Variants in OPHN1 observed in about 807,000 individuals in gnomAD.
The protein encoded by OPHN1 is oligophrenin 1.
A neutral mutation model predicts 60.7 loss-of-function variants in OPHN1; 11 were observed. That is an observed-to-expected ratio of 0.18 (90% CI 0.11 to 0.30). The LOEUF is 0.30. Among genes scored for constraint, OPHN1 ranks in the 10% least tolerant of loss-of-function variants. OPHN1 has a pLI of 1.00. For missense variants in OPHN1, 449 were observed against 611.0 expected, an observed-to-expected ratio of 0.73 and a Z score of 2.80; for synonymous variants, 226 against 222.6, an observed-to-expected ratio of 1.02 and a Z score of -0.14.
At chrX:68,422,437 C>T (rs1392362199) in intron 2 of OPHN1, among the ~76,000 whole-genome samples, 4 of 105,118 alleles carry the variant, frequency 3.8e-5, no homozygotes, top group Non-Finnish European at 7.8e-5. Context: ...GTGGGAGTAT[C>T]GCTTGGGGTT....
At chrX:68,386,985 T>C (rs2078627533) in intron 2 of OPHN1, among the ~76,000 whole-genome samples, 1 of 111,506 alleles carries the variant, frequency 9.0e-6, no homozygotes, top group African/African-American at 3.3e-5. Context: ...AGGTAAACTG[T>C]AGCGACTTGA....
intron 15 of OPHN1, among the ~76,000 whole-genome samples, chrX:68,169,467 T>C (rs1459571042): frequency 1.4e-4 from 15 of 109,141 alleles, no homozygotes; most frequent in African/African-American, 4.0e-4. Context: ...GAGCCCGCAT[T>C]GCCAAGTCAA....
chrX:68,339,466 T>G lies in OPHN1; in HGVS notation c.155-40370A>C, dbSNP rs999559793. Reference sequence around the variant, plus strand: ...AACATGCAGATTGGAAAGGAAGAAATAAAACTATTTGTATATGCAGATGAC... The same window carrying G: ...AACATGCAGATTGGAAAGGAAGAAAGAAAACTATTTGTATATGCAGATGAC... On this transcript the variant is annotated intron_variant, in intron 2 of 24. Transcript: ENST00000355520. Among the ~76,000 whole-genome samples the G allele has an allele frequency of 3.6e-5, 4 of 111,360 alleles. No individual in the cohort carries two copies. In the Admixed American group the frequency reaches 3.9e-4, roughly 11 times the overall value.
chrX:68,103,299 C>A (rs1314531182), intron 18 of OPHN1, among the ~76,000 whole-genome samples: 2 of 112,105 alleles, frequency 1.8e-5, no homozygotes, highest in African/African-American at 6.5e-5. Flanking sequence ...TCAATAGATG[C>A]AGAAAGGGCC....
intron 5 of OPHN1, among the ~76,000 whole-genome samples, chrX:68,263,947 C>T (rs1313807602): frequency 8.9e-6 from 1 of 111,876 alleles, no homozygotes; most frequent in South Asian, 3.7e-4. Flanking sequence ...TTTCCACTTA[C>T]AGTGCAACGA....
chrX:68,063,378 G>T (rs7877568), intron 21 of OPHN1, among the ~76,000 whole-genome samples: 3 of 109,816 alleles, frequency 2.7e-5, no homozygotes, highest in African/African-American at 9.9e-5. Flanking sequence ...AAAATTAGCC[G>T]GGCATGGTGG....
intron 11 of OPHN1, among the ~76,000 whole-genome samples, chrX:68,198,467 A>G (rs1423316935): frequency 8.9e-6 from 1 of 111,769 alleles, no homozygotes. Context: ...TCATAACATC[A>G]CAAATGGACT....
chrX:68,317,449 G>GAGA (rs1171707658), intron 2 of OPHN1, among the ~76,000 whole-genome samples: 5 of 94,997 alleles, frequency 5.3e-5, no homozygotes, highest in Non-Finnish European at 1.0e-4. Flanking sequence ...AAAAGAAAAA[G>GAGA]AGAAGAAGAA....
At chrX:68,367,710 T>C (rs2078506707) in intron 2 of OPHN1, among the ~76,000 whole-genome samples, 1 of 111,692 alleles carries the variant, frequency 9.0e-6, no homozygotes, top group African/African-American at 3.3e-5. Context: ...TCCCCACCTG[T>C]CAAGGGATAA....
intron 18 of OPHN1, among the ~76,000 whole-genome samples, chrX:68,104,453 G>T (rs2077073074): frequency 9.0e-6 from 1 of 111,406 alleles, no homozygotes; most frequent in Admixed American, 9.5e-5. Flanking sequence ...CATTGTCCTG[G>T]TACCAAAACA....
intron 18 of OPHN1, among the ~76,000 whole-genome samples, chrX:68,111,143 C>G (rs1037441210): frequency 8.9e-6 from 1 of 112,365 alleles, no homozygotes; most frequent in African/African-American, 3.2e-5. Flanking sequence ...TCAAGAGTGA[C>G]CTGTCCCTGG....
intron 15 of OPHN1, among the ~76,000 whole-genome samples, chrX:68,123,391 T>C (rs1478365262): frequency 8.9e-6 from 1 of 111,910 alleles, no homozygotes; most frequent in Non-Finnish European, 1.9e-5. Context: ...TCTGAAGATA[T>C]AAAACTCACT....
At chrX:68,322,476 T>C (rs752516285) in intron 2 of OPHN1, among the ~76,000 whole-genome samples, 1 of 112,019 alleles carries the variant, frequency 8.9e-6, no homozygotes, top group African/African-American at 3.2e-5. Context: ...ATCCATGCCA[T>C]GGAATACTAT....
chrX:68,218,325 G>A (rs1339175401), intron 6 of OPHN1, among the ~76,000 whole-genome samples: 1 of 106,513 alleles, frequency 9.4e-6, no homozygotes, highest in Non-Finnish European at 1.9e-5. Flanking sequence ...AAAGGGATGG[G>A]GAGAATGGAA....
intron 6 of OPHN1, among the ~76,000 whole-genome samples, chrX:68,217,267 C>T (rs775831560): frequency 7.1e-5 from 8 of 112,317 alleles, no homozygotes; most frequent in South Asian, 7.5e-4. Flanking sequence ...GCACCTGGCT[C>T]GGAGGATCCT....
Position 68,189,629 on chromosome X carries a change from A to G in OPHN1, c.1276+3290T>C, listed in dbSNP as rs1474508924. 1.4e-4 allele frequency among the ~76,000 whole-genome samples: 16 copies of G among 110,656 alleles called. No homozygotes were observed. In the Admixed American group the frequency reaches 1.6e-3, roughly 11 times the overall value. On this transcript the variant is annotated intron_variant, in intron 15 of 24. Transcript: ENST00000355520. ...CTTCTCTGTGCCAAGGTGGCTTACA[A>G]TGGATCCAGCACCAGTGAAGATTCT...
At chrX:68,169,160 T>G (rs2077375804) in intron 15 of OPHN1, among the ~76,000 whole-genome samples, 1 of 111,469 alleles carries the variant, frequency 9.0e-6, no homozygotes, top group Non-Finnish European at 1.9e-5. Flanking sequence ...AGCCAAATCA[T>G]GAGTGAATTC....
chrX:68,328,401 T>C (rs1049182551), intron 2 of OPHN1, among the ~76,000 whole-genome samples: 1 of 112,981 alleles, frequency 8.9e-6, no homozygotes, highest in Admixed American at 9.4e-5. Context: ...GTGCTGGGAC[T>C]GCAGGCGTGA....
At chrX:68,051,890 G>A (rs1353407729) in intron 23 of OPHN1, among the ~76,000 whole-genome samples, 1 of 111,500 alleles carries the variant, frequency 9.0e-6, no homozygotes, top group African/African-American at 3.3e-5. Context: ...CACAGGAAGA[G>A]AAAAACAGAG....
Sources: gnomAD v4.1 joint callset for allele counts (sites outside exome capture counted in the v4.1 genomes callset) on GRCh38, gnomAD v4.1.1 for gene constraint, MANE v1.5 for transcripts, NCBI Gene and HGNC (gene_info 2026-07-23, HGNC 2026-07-21) for gene names.